Variants in ABR observed in about 807,000 individuals in gnomAD.
ABR encodes the protein ABR activator of RhoGEF and GTPase, also known as active breakpoint cluster region-related protein.
ABR carries 35 observed loss-of-function variants against 107.2 expected under a neutral mutation model. The observed-to-expected ratio is 0.33, with a 90% CI of 0.25 to 0.43. The LOEUF is 0.43. Among genes scored for constraint, ABR ranks in the 20% least tolerant of loss-of-function variants. The probability of loss-of-function intolerance (pLI) is 1.00; values close to 1 mark genes in which losing one functional copy is unlikely to be tolerated. For missense variants in ABR, 815 were observed against 1,115.2 expected (o/e 0.73, Z 3.83); for synonymous variants, 498 against 462.0 (o/e 1.08, Z -1.00).
At chr17:1,201,643 T>C (rs958131162) in intron 1 of ABR, among the ~76,000 whole-genome samples, 33 of 151,922 alleles carry the variant, frequency 2.2e-4, no homozygotes, top group African/African-American at 8.0e-4. Context: ...GGGTGTCTCA[T>C]TGACAGTGCA....
chr17:1,151,650 T>C (rs189885314), intron 1 of ABR, among the ~76,000 whole-genome samples: 125 of 152,342 alleles, frequency 8.2e-4, no homozygotes, highest in African/African-American at 2.9e-3. Flanking sequence ...ATTCTGGGGA[T>C]GGCTGACATC....
At chr17:1,181,576 T>C (rs2042135034), upstream of ABR, among the ~76,000 whole-genome samples, 1 of 152,154 alleles carries the variant, frequency 6.6e-6, no homozygotes, top group Non-Finnish European at 1.5e-5. Flanking sequence ...AGCAGGCACC[T>C]GGAGCTTGGC....
intron 10 of ABR, among the ~76,000 whole-genome samples, chr17:1,060,457 A>G (rs1185554087): frequency 1.3e-5 from 2 of 152,146 alleles, no homozygotes; most frequent in African/African-American, 4.8e-5. Context: ...TCAAAGACCC[A>G]CTGTGGAGTA....
intron 1 of ABR, among the ~76,000 whole-genome samples, chr17:1,159,457 A>T (rs75838439): frequency 0.049 from 963 of 19,764 alleles, 98 homozygotes; most frequent in African/African-American, 0.1. Context: ...CTCACACACA[A>T]GGGAAGTAAG....
intron 4 of ABR, among the ~76,000 whole-genome samples, chr17:1,091,302 C>T (rs1162960028): frequency 6.6e-6 from 1 of 152,088 alleles, no homozygotes; most frequent in African/African-American, 2.4e-5. Context: ...AGAGGGAGCA[C>T]CGTCCGGGAA....
chr17:1,176,587 A>T (rs890554871), intron 1 of ABR, among the ~76,000 whole-genome samples: 20 of 152,270 alleles, frequency 1.3e-4, no homozygotes, highest in African/African-American at 4.3e-4. Context: ...GGCTCACGCC[A>T]GTAATCCCAG....
At chr17:1,058,093 G>T in intron 11 of ABR, 48 bp from the exon 12 acceptor site, 1 of 1,409,364 alleles carries the variant, frequency 7.1e-7, no homozygotes, top group Non-Finnish European at 1.0e-6. Flanking sequence ...GTCAGGCAAA[G>T]CGTACTCCCA....
chr17:1,082,044 A>G (rs1171545802), intron 5 of ABR, among the ~76,000 whole-genome samples: 1 of 151,968 alleles, frequency 6.6e-6, no homozygotes, highest in Non-Finnish European at 1.5e-5. Context: ...AAACGTGGGC[A>G]TCGACCGTCA....
At chr17:1,038,563 G>A (rs981467508) in intron 16 of ABR, among the ~76,000 whole-genome samples, 14 of 152,210 alleles carry the variant, frequency 9.2e-5, no homozygotes, top group South Asian at 4.1e-4. Context: ...CTCCGAGGGC[G>A]TGAACACGGT....
intron 1 of ABR, among the ~76,000 whole-genome samples, chr17:1,192,867 G>A (rs149743604): frequency 1.2e-4 from 18 of 152,100 alleles, no homozygotes; most frequent in African/African-American, 4.3e-4. Flanking sequence ...TGACCAATAT[G>A]GTGAAACCCC....
At chr17:1,122,152 C>T (rs1899697245) in intron 2 of ABR, among the ~76,000 whole-genome samples, 1 of 152,252 alleles carries the variant, frequency 6.6e-6, no homozygotes, top group Admixed American at 6.5e-5. Flanking sequence ...ATCTGGCTGC[C>T]TCAGTCTCCC....
rs867300170 is a variant in ABR at position 1,070,330 on chromosome 17, T to C, written c.895-240A>G. Among the ~76,000 whole-genome samples the C allele has an allele frequency of 6.6e-6, 1 of 152,140 alleles. No homozygotes were observed. Among genetic ancestry groups the C allele is most frequent in the African/African-American group, 2.4e-5 (1 of 41,434 alleles). On this transcript the variant is annotated intron_variant, in intron 8 of 22. Coordinates refer to ENST00000302538, the MANE Select transcript of ABR (RefSeq NM_021962.5). This position sits in a 1 kb window ranked among gnomAD's most constrained non-coding sequence, Gnocchi z 4.2. Reference sequence around the variant, plus strand: ...TCCCTGACCTCTCTGAATCCCAGATTCACCTTCTGTTAAGTGCGGACAGTG... The same window carrying C: ...TCCCTGACCTCTCTGAATCCCAGATCCACCTTCTGTTAAGTGCGGACAGTG...
chr17:1,021,287 G>A (rs1300559942), intron 16 of ABR, among the ~76,000 whole-genome samples: 5 of 152,134 alleles, frequency 3.3e-5, no homozygotes, highest in African/African-American at 9.7e-5. Flanking sequence ...CCAGGCCTCC[G>A]CCTCCTTCCT....
chr17:1,016,081 G>A (rs1383596623), intron 16 of ABR, among the ~76,000 whole-genome samples: 2 of 152,144 alleles, frequency 1.3e-5, no homozygotes, highest in East Asian at 3.8e-4. Flanking sequence ...AAGTAGATGA[G>A]GTCGAAAAGA....
chr17:1,037,760 G>T lies in ABR; in HGVS notation c.1791+12290C>A, dbSNP rs1031116716. ...TGAGGCCTGAAGGTGGGATGGGGTC[G>T]CCGAGCCTCCCTGCTCTTTCTTCAT... On this transcript the variant is annotated intron_variant, in intron 16 of 22. Coordinates refer to ENST00000302538, the MANE Select transcript of ABR (RefSeq NM_021962.5). The surrounding 1 kb of genome is among the most constrained non-coding windows in gnomAD (Gnocchi z 4.6). Among the ~76,000 whole-genome samples, 1 of 152,074 alleles carries T rather than the reference G, an allele frequency of 6.6e-6. No homozygotes were observed. The highest frequency in any genetic ancestry group is 1.5e-5 in the Non-Finnish European group (1 of 67,996).
upstream of ABR, chr17:1,181,784 C>A (rs1023975872): frequency 6.6e-6 from 1 of 152,220 alleles, no homozygotes; most frequent in South Asian, 2.1e-4. Context: ...CCACCAGGAG[C>A]CACCAGCCCA....
intron 17 of ABR, 56 bp downstream of exon 17, chr17:1,013,049 G>T: frequency 1.3e-6 from 2 of 1,597,186 alleles, no homozygotes; most frequent in African/African-American, 2.7e-5. Context: ...CCCACCTGCT[G>T]CACAGACGTT....
chr17:1,129,788 A>C (rs544018783), intron 1 of ABR, among the ~76,000 whole-genome samples: 3 of 152,178 alleles, frequency 2.0e-5, no homozygotes, highest in African/African-American at 7.2e-5. Flanking sequence ...CTCTACTAAA[A>C]ATACAAAAAT....
At chr17:1,173,743 G>C (rs961602631) in intron 1 of ABR, among the ~76,000 whole-genome samples, 1 of 152,140 alleles carries the variant, frequency 6.6e-6, no homozygotes, top group African/African-American at 2.4e-5. Context: ...CCTATGGAGG[G>C]CCTGTGCGGG....
Sources: gnomAD v4.1 joint callset for allele counts (sites outside exome capture counted in the v4.1 genomes callset) on GRCh38, gnomAD v4.1.1 for gene constraint, Gnocchi (gnomAD v3.1) non-coding constraint, MANE v1.5 for transcripts, NCBI Gene and HGNC (gene_info 2026-07-23, HGNC 2026-07-21) for gene names.